ZFAT: variants seen among roughly 807,000 people sequenced by gnomAD.
ZFAT encodes zinc finger and AT-hook domain containing.
ZFAT carries 64 observed loss-of-function variants against 117.7 expected under a neutral mutation model. That is an observed-to-expected ratio of 0.54 (90% confidence interval 0.44 to 0.67). ZFAT has a LOEUF of 0.67. Among genes scored for constraint, ZFAT ranks in the 30% least tolerant of loss-of-function variants. ZFAT has a pLI of 0.00. For missense variants in ZFAT, 1,433 were observed against 1,584.5 expected (o/e 0.90, Z 1.62); for synonymous variants, 679 against 615.0 (o/e 1.10, Z -1.54).
intron 1 of ZFAT, among the ~76,000 whole-genome samples, chr8:134,665,907 G>A (rs970202203): frequency 3.9e-5 from 6 of 152,226 alleles, no homozygotes; most frequent in Non-Finnish European, 7.3e-5. Context: ...CGGCAGAGGA[G>A]GGAGCTGGTA....
intron 1 of ZFAT, among the ~76,000 whole-genome samples, chr8:134,696,770 G>A (rs1833863551): frequency 6.6e-6 from 1 of 152,196 alleles, no homozygotes; most frequent in Non-Finnish European, 1.5e-5. Context: ...CACCCAGCAG[G>A]GGTCCCTCCT....
At chr8:134,525,248 A>G (rs984498880) in intron 12 of ZFAT, among the ~76,000 whole-genome samples, 10 of 152,168 alleles carry the variant, frequency 6.6e-5, no homozygotes, top group African/African-American at 2.2e-4. Flanking sequence ...GTGGAGTCCT[A>G]AAGCCTCACA....
At chr8:134,613,990 A>G (rs1321138436) in intron 3 of ZFAT, among the ~76,000 whole-genome samples, 2 of 152,216 alleles carry the variant, frequency 1.3e-5, no homozygotes, top group Non-Finnish European at 2.9e-5. Context: ...GAACATTCTC[A>G]TTGTTAAACT....
intron 1 of ZFAT, among the ~76,000 whole-genome samples, chr8:134,682,105 G>C (rs1348977970): frequency 6.6e-6 from 1 of 152,224 alleles, no homozygotes; most frequent in Non-Finnish European, 1.5e-5. Context: ...AGAAGCCGAT[G>C]AGAAGGGAGG....
chr8:134,590,190 G>C (rs1350353247), intron 8 of ZFAT, 78 bp downstream of exon 8: 1 of 1,116,402 alleles, frequency 9.0e-7, no homozygotes, highest in Non-Finnish European at 1.3e-6. Flanking sequence ...ATATAGTGCA[G>C]TTAATGTAAA....
At position 134,509,672 on chromosome 8, in the gene ZFAT, C is replaced by A. The variant is rs777449738; in HGVS notation, c.3439G>T (p.Ala1147Ser). Residue 1147 changes from alanine to serine, a missense_variant, in exon 15 of 16, where the codon GCC (alanine) becomes TCC (serine). Transcript: ENST00000377838. The part of the protein sequence containing the change: ...ELGAETHDAT[A>S]LASVVAMAPG... ...GCCATGGCAACCACCGAGGCAAGGG[C>A]AGTGGCGTCATGGGTCTCGGCGCCC... 8.1e-6 allele frequency: 13 copies of A among 1,613,304 alleles called. No individual in the cohort carries two copies. The highest frequency in any genetic ancestry group is 1.1e-5 in the South Asian group (1 of 91,054).
rs115387183 is a variant in ZFAT, at chr8:134,525,182, T to C, written c.3116-4181A>G. 6.9e-3 allele frequency among the ~76,000 whole-genome samples: 1,052 copies of C among 152,328 alleles called. 13 individuals are homozygous for C. The highest frequency in any genetic ancestry group is 0.024 in the African/African-American group (1,009 of 41,572). On this transcript the variant is annotated intron_variant, in intron 12 of 15. Transcript: ENST00000377838. Reference sequence around the variant, plus strand: ...TTCTGTGACACCACTCACTCCTGGTTCTTCTACCAAGCACCTCTCCAACTC... The same window carrying C: ...TTCTGTGACACCACTCACTCCTGGTCCTTCTACCAAGCACCTCTCCAACTC...
Position 134,688,335 on chromosome 8 carries a change from G to A in ZFAT, c.19+24510C>T, listed in dbSNP as rs75529813. The stretch of plus-strand genomic sequence containing the variant: ...CATATACATGCGCACACATGCACCC[G>A]CAAAACGTGTGTACATACACAAATG... On this transcript the variant is annotated intron_variant, in intron 1 of 15. Coordinates refer to ENST00000377838, the MANE Select transcript of ZFAT (RefSeq NM_020863.4). Among the ~76,000 whole-genome samples, 745 of 152,100 alleles carry A rather than the reference G, an allele frequency of 4.9e-3. 2 individuals are homozygous for A. The highest frequency in any genetic ancestry group is 7.9e-3 in the Non-Finnish European group (538 of 67,982).
chr8:134,740,420 C>T, the ZFAT span, among the ~76,000 whole-genome samples: 2 of 152,212 alleles, frequency 1.3e-5, no homozygotes, highest in African/African-American at 4.8e-5. Flanking sequence ...CAATGAATTA[C>T]TGGTTTAATT....
chr8:134,653,693 C>T (rs1012891944), intron 2 of ZFAT, among the ~76,000 whole-genome samples: 1 of 151,708 alleles, frequency 6.6e-6, no homozygotes, highest in Non-Finnish European at 1.5e-5. Context: ...ACATATACAC[C>T]GTAAATACAT....
chr8:134,710,265 G>T lies in ZFAT; in HGVS notation c.19+2580C>A, dbSNP rs111314229. ...TCTAACAAAATGGAGCCAGAGGATAGGAAGGAAGGGCCCTCATGCAAGTAT... is the reference window on the plus strand; with the variant it reads ...TCTAACAAAATGGAGCCAGAGGATATGAAGGAAGGGCCCTCATGCAAGTAT... On this transcript the variant is annotated intron_variant, in intron 1 of 15. Transcript: ENST00000377838. Among the ~76,000 whole-genome samples the T allele has an allele frequency of 1.5e-3, 228 of 152,332 alleles. 1 individual carries two copies. The highest frequency in any genetic ancestry group is 5.3e-3 in the African/African-American group (220 of 41,566).
chr8:134,667,695 C>T (rs557226085), intron 1 of ZFAT, among the ~76,000 whole-genome samples: 2 of 151,972 alleles, frequency 1.3e-5, no homozygotes, highest in East Asian at 3.9e-4. Flanking sequence ...ACACAGAAGA[C>T]GACTGATTTA....
the ZFAT span, among the ~76,000 whole-genome samples, chr8:134,818,715 A>AT: frequency 3.3e-5 from 5 of 152,246 alleles, no homozygotes; most frequent in Non-Finnish European, 7.3e-5. Context: ...CAAAAGGTGA[A>AT]TGGATACACA....
intron 10 of ZFAT, among the ~76,000 whole-genome samples, chr8:134,577,690 C>T (rs569691065): frequency 1.3e-5 from 2 of 152,260 alleles, no homozygotes; most frequent in East Asian, 3.9e-4. Flanking sequence ...TCGAAAATCT[C>T]TGCTTGTGAA....
At chr8:134,642,098 G>A (rs948531769) in intron 2 of ZFAT, among the ~76,000 whole-genome samples, 3 of 152,176 alleles carry the variant, frequency 2.0e-5, no homozygotes, top group Non-Finnish European at 2.9e-5. Context: ...CAAACACAAC[G>A]TCCTCAATGG....
chr8:134,820,666 C>T, the ZFAT span, among the ~76,000 whole-genome samples: 3 of 152,342 alleles, frequency 2.0e-5, no homozygotes, highest in African/African-American at 4.8e-5. Context: ...TCTGCTCAAA[C>T]ATGGGACATG....
At chr8:134,759,378 T>C in the ZFAT span, among the ~76,000 whole-genome samples, 2 of 152,206 alleles carry the variant, frequency 1.3e-5, no homozygotes, top group East Asian at 3.8e-4. Flanking sequence ...AATAGGCAGC[T>C]ACCTTGATGT....
intron 2 of ZFAT, 115 bp downstream of exon 2, chr8:134,657,446 T>C: frequency 2.7e-6 from 3 of 1,104,602 alleles, no homozygotes; most frequent in East Asian, 2.4e-5. Context: ...TGGAGACTTA[T>C]TGTGACTTCT....
intron 3 of ZFAT, among the ~76,000 whole-genome samples, chr8:134,625,029 G>A (rs1829401199): frequency 6.6e-6 from 1 of 152,084 alleles, no homozygotes; most frequent in Non-Finnish European, 1.5e-5. Context: ...TTATATTCTG[G>A]GACTCTGCCA....
Sources: gnomAD v4.1 joint callset for allele counts (sites outside exome capture counted in the v4.1 genomes callset) on GRCh38, gnomAD v4.1.1 for gene constraint, MANE v1.5 for transcripts, NCBI Gene and HGNC (gene_info 2026-07-23, HGNC 2026-07-21) for gene names.